DRG1: variants seen among roughly 807,000 people sequenced by gnomAD.
DRG1 encodes the protein developmentally regulated GTP binding protein 1.
In DRG1, 19 loss-of-function variants were observed where a neutral mutation model predicts 38.8. That is an observed-to-expected ratio of 0.49 (90% CI 0.34 to 0.72). DRG1 has a LOEUF of 0.72. DRG1 is among the 30% of genes least tolerant of loss of function. The probability of loss-of-function intolerance (pLI) is 0.01; values close to 1 mark genes in which losing one functional copy is unlikely to be tolerated. For missense variants in DRG1, 299 were observed against 444.8 expected, an observed-to-expected ratio of 0.67 and a Z score of 2.95; for synonymous variants, 167 against 157.5, an observed-to-expected ratio of 1.06 and a Z score of -0.45.
chr22:31,426,553 A>G, intron 6 of DRG1, 62 bp from the exon 7 acceptor site: 1 of 1,478,674 alleles, frequency 6.8e-7, no homozygotes, highest in East Asian at 2.3e-5. Context: ...GTGCTGTTCA[A>G]CAGTCTGACA....
intron 3 of DRG1, among the ~76,000 whole-genome samples, chr22:31,404,826 G>A (rs930124417): frequency 6.6e-6 from 1 of 151,926 alleles, no homozygotes; most frequent in East Asian, 2.0e-4. Flanking sequence ...GTTTCACCAT[G>A]TTTGCCAGGC....
chr22:31,401,951 C>T (rs559674184), intron 2 of DRG1, among the ~76,000 whole-genome samples: 4 of 151,338 alleles, frequency 2.6e-5, no homozygotes, highest in African/African-American at 4.9e-5. Flanking sequence ...CTCAGGAGGC[C>T]GAGGCAGGAG....
Position 31,403,135 on chromosome 22 carries a change from G to A in DRG1, c.273G>A (p.Val91=). 1 of 1,614,086 alleles carries A rather than the reference G, an allele frequency of 6.2e-7. No homozygotes were observed. Among genetic ancestry groups the A allele is most frequent in the Non-Finnish European group, 8.5e-7 (1 of 1,180,020 alleles). Residue 91 remains valine, a synonymous_variant, in exon 3 of 9, where the codon GTG becomes GTA. Transcript: ENST00000331457. The part of the protein sequence containing the change: ...LSNLAGVYSE[V]AAYEFTTLTT... Reference sequence around the variant, plus strand: ...ACCTGGCAGGGGTATATTCTGAGGTGGCAGCCTATGAATTCACTACTCTGA... The same window carrying A: ...ACCTGGCAGGGGTATATTCTGAGGTAGCAGCCTATGAATTCACTACTCTGA...
At chr22:31,424,866 G>A (rs1297632783) in intron 6 of DRG1, among the ~76,000 whole-genome samples, 33 of 131,862 alleles carry the variant, frequency 2.5e-4, no homozygotes, top group African/African-American at 2.9e-5. Flanking sequence ...GCAGTGGCAC[G>A]ATTTCAGCTC....
rs763901804 is a variant in DRG1 at position 31,434,016 on chromosome 22, C to A, written c.*45C>A. 8.9e-6 allele frequency: 14 copies of A among 1,567,796 alleles called. No homozygotes were observed. Among genetic ancestry groups the A allele is most frequent in the Non-Finnish European group, 1.1e-5 (13 of 1,141,084 alleles). ...CTGCCGGACGAACCACAACAGCGTT[C>A]CCCATGATCAAGCACCCTACCCCAG... On this transcript the variant is annotated 3_prime_UTR_variant, in exon 9 of 9. Coordinates refer to ENST00000331457, the MANE Select transcript of DRG1 (RefSeq NM_004147.4).
intron 4 of DRG1, among the ~76,000 whole-genome samples, chr22:31,415,275 T>A (rs978972260): frequency 6.6e-6 from 1 of 152,208 alleles, no homozygotes; most frequent in Non-Finnish European, 1.5e-5. Context: ...TTTTATGTGT[T>A]TATTAGCTAC....
At chr22:31,424,822 T>TC (rs1204012768) in intron 6 of DRG1, among the ~76,000 whole-genome samples, 1 of 107,414 alleles carries the variant, frequency 9.3e-6, no homozygotes, top group Admixed American at 1.1e-4. Context: ...TTTTTTTTTT[T>TC]TTTGGAGTCT....
At chr22:31,416,535 AC>A (rs113258355) in intron 4 of DRG1, among the ~76,000 whole-genome samples, 4,983 of 152,152 alleles carry the variant, frequency 0.033, 202 homozygotes, top group Admixed American at 0.082. Flanking sequence ...TGGGTGGATC[AC>A]CTGAGGTCAG....
chr22:31,418,351 A>G (rs964741295), intron 4 of DRG1, among the ~76,000 whole-genome samples: 2 of 151,934 alleles, frequency 1.3e-5, no homozygotes, highest in Non-Finnish European at 2.9e-5. Context: ...CGGATATTCA[A>G]GGAGACTGAG....
chr22:31,413,641 G>A (rs2050030011), intron 4 of DRG1, among the ~76,000 whole-genome samples: 1 of 112,626 alleles, frequency 8.9e-6, no homozygotes, highest in Non-Finnish European at 1.7e-5. Flanking sequence ...TTGAGATGGA[G>A]TCCCACTCTG....
chr22:31,418,576 C>T (rs1408607863), intron 4 of DRG1, among the ~76,000 whole-genome samples: 2 of 152,014 alleles, frequency 1.3e-5, no homozygotes, highest in African/African-American at 2.4e-5. Flanking sequence ...GGCATGATCT[C>T]GGCTCACTGC....
intron 4 of DRG1, among the ~76,000 whole-genome samples, chr22:31,416,365 A>G (rs1268219200): frequency 6.6e-6 from 1 of 152,206 alleles, no homozygotes; most frequent in Non-Finnish European, 1.5e-5. Flanking sequence ...GATGAGACCC[A>G]AAGTCTTAAC....
chr22:31,406,676 GAAA>G (rs763887549), intron 3 of DRG1, among the ~76,000 whole-genome samples: 2 of 136,120 alleles, frequency 1.5e-5, no homozygotes, highest in Non-Finnish European at 3.2e-5. Flanking sequence ...CCCTGTCCCG[GAAA>G]AAAAAAAAAA....
At chr22:31,422,109 C>CAA (rs765984253) in intron 5 of DRG1, among the ~76,000 whole-genome samples, 1 of 122,412 alleles carries the variant, frequency 8.2e-6, no homozygotes, top group Non-Finnish European at 1.8e-5. Context: ...GACTCCGTCT[C>CAA]AAAAAAAAAA....
At chr22:31,411,397 AT>A (rs1445720203) in intron 4 of DRG1, among the ~76,000 whole-genome samples, 1 of 151,678 alleles carries the variant, frequency 6.6e-6, no homozygotes. Context: ...TCGTCTTGAG[AT>A]TTTCTGCTCT....
chr22:31,431,765 C>G (rs966609705), intron 8 of DRG1, among the ~76,000 whole-genome samples: 10 of 152,162 alleles, frequency 6.6e-5, no homozygotes, highest in African/African-American at 2.4e-4. Context: ...ACATATAAAA[C>G]AACTATATTC....
intron 8 of DRG1, among the ~76,000 whole-genome samples, 165 bp from the exon 9 acceptor site, chr22:31,433,707 T>A (rs996962794): frequency 6.6e-6 from 1 of 152,208 alleles, no homozygotes; most frequent in Non-Finnish European, 1.5e-5. Flanking sequence ...CCGGCTTTTA[T>A]GTTAAGGCTT....
chr22:31,411,198 G>A (rs943081372), intron 4 of DRG1, 117 bp downstream of exon 4: 3 of 1,068,192 alleles, frequency 2.8e-6, no homozygotes, highest in Non-Finnish European at 4.1e-6. Context: ...AGTTTCACCT[G>A]ACTTCTCATT....
At chr22:31,408,977 TTGG>T (rs1224467994) in intron 3 of DRG1, among the ~76,000 whole-genome samples, 1 of 152,122 alleles carries the variant, frequency 6.6e-6, no homozygotes, top group African/African-American at 2.4e-5. Flanking sequence ...TGCTGTGGGG[TTGG>T]TTTTTCAATC....
Sources: gnomAD v4.1 joint callset for allele counts (sites outside exome capture counted in the v4.1 genomes callset) on GRCh38, gnomAD v4.1.1 for gene constraint, MANE v1.5 for transcripts, NCBI Gene and HGNC (gene_info 2026-07-23, HGNC 2026-07-21) for gene names.